UBA5: variants seen among roughly 807,000 people sequenced by gnomAD.
The protein encoded by UBA5 is ubiquitin-like modifier-activating enzyme 5.
In UBA5, 28 loss-of-function variants were observed where a neutral mutation model predicts 52.9. The ratio of observed to expected loss-of-function variants is 0.53; its 90% CI spans 0.39 to 0.73. The LOEUF (loss-of-function observed/expected upper bound fraction) is 0.73. UBA5 is among the 30% of genes least tolerant of loss of function. The pLI is 0.00. For missense variants in UBA5, 388 were observed against 492.7 expected (o/e 0.79, Z 2.01); for synonymous variants, 135 against 162.1 (o/e 0.83, Z 1.27).
At chr3:132,671,915 G>A (rs1938621715) in intron 7 of UBA5, 34 bp downstream of exon 7, 1 of 1,605,308 alleles carries the variant, frequency 6.2e-7, no homozygotes, top group Non-Finnish European at 8.5e-7. Context: ...ATTCTTCACT[G>A]TTAGATACTT....
Position 132,676,499 on chromosome 3 carries a change from C to A in UBA5, c.1188C>A (p.Asp396Glu), listed in dbSNP as rs1338499336. The A allele has an allele frequency of 3.7e-6, 6 of 1,610,352 alleles. No homozygotes were observed. Among genetic ancestry groups the A allele is most frequent in the Non-Finnish European group, 5.1e-6 (6 of 1,178,548 alleles). Reference protein sequence around the residue: ...TVEDSGESLEDLMAKMKNM With the variant: ...TVEDSGESLEELMAKMKNM ...AAGATTCTGGTGAAAGCTTGGAAGA[C>A]CTCATGGCCAAAATGAAGAATATGT... The change falls in exon 12 of 12, where the codon GAC becomes GAA. Residue 396 changes from aspartate to glutamate, a missense_variant. Around this residue, in one of 3 missense-constraint regions of UBA5, gnomAD observed 277 missense variants for 326.4 expected, o/e 0.85. Transcript: ENST00000356232. This position sits in a 1 kb window ranked among gnomAD's most constrained non-coding sequence, Gnocchi z 4.1.
chr3:132,659,465 C>T, upstream of UBA5: 2 of 1,241,106 alleles, frequency 1.6e-6, no homozygotes, highest in Non-Finnish European at 2.2e-6. Flanking sequence ...AATAGCAGCT[C>T]ATGCCTGTAG....
At position 132,668,930 on chromosome 3, in the gene UBA5, AAATGGAATAGC is replaced by A; in HGVS notation, c.407+7_407+17del. 6.4e-7 allele frequency: 1 copy of A among 1,565,580 alleles called. No homozygotes were observed. On this transcript the variant is annotated splice_donor_5th_base_variant and intron_variant, in intron 4 of 11. Transcript: ENST00000356232. The stretch of plus-strand genomic sequence containing the variant: ...CAAGCAGCAGAACATACTCTGAGGT[AAATGGAATAGC>A]AATCAAGTACCATATTCAGTGAAAT...
chr3:132,658,587 T>G (rs1053213359), upstream of UBA5, among the ~76,000 whole-genome samples: 4 of 152,240 alleles, frequency 2.6e-5, no homozygotes, highest in African/African-American at 9.6e-5. Flanking sequence ...TTCAGTTTGT[T>G]ACAACACAAG....
At chr3:132,662,554 G>A (rs1355410751) in intron 1 of UBA5, among the ~76,000 whole-genome samples, 4 of 152,174 alleles carry the variant, frequency 2.6e-5, no homozygotes, top group African/African-American at 9.7e-5. Context: ...AGTACAAAAG[G>A]TTATAGGAAA....
chr3:132,664,047 G>T (rs73000581), intron 1 of UBA5, among the ~76,000 whole-genome samples: 3,968 of 152,202 alleles, frequency 0.026, 172 homozygotes, highest in African/African-American at 0.09. Context: ...AAATCCAGAT[G>T]GTTCAACTTC....
chr3:132,660,714 G>C lies in UBA5; in HGVS notation c.161+16G>C, dbSNP rs909633319. On this transcript the variant is annotated intron_variant, in intron 1 of 11. Transcript: ENST00000356232. The surrounding 1 kb of genome is among the most constrained non-coding windows in gnomAD (Gnocchi z 4.1). ...ATCCCTACAGGTAACCTGCGTCGCC[G>C]GTCGGAGGCAGGCGCGGGGGACGAG... The C allele has an allele frequency of 3.9e-6, 6 of 1,526,022 alleles. No individual in the cohort carries two copies. Among genetic ancestry groups the C allele is most frequent in the Admixed American group, 4.1e-5 (2 of 48,886 alleles). 94.5% of individuals were successfully genotyped at this position (1,526,022 alleles called of 1,614,324 possible). A position where few individuals can be genotyped will look rare whatever the true frequency, so the allele number is the denominator to read the frequency against.
At chr3:132,665,889 GT>G (rs1263895531) in intron 2 of UBA5, 21 bp downstream of exon 2, 1 of 1,613,130 alleles carries the variant, frequency 6.2e-7, no homozygotes, top group East Asian at 2.2e-5. Context: ...CCCTTTCCAA[GT>G]TTTTGTAAGA....
At chr3:132,666,155 T>A (rs1938369070) in intron 3 of UBA5, 82 bp downstream of exon 3, 3 of 1,197,708 alleles carry the variant, frequency 2.5e-6, no homozygotes, top group Non-Finnish European at 2.4e-6. Context: ...ATTTTTTTTC[T>A]TTACCAGTGG....
rs1042179372 is a variant in UBA5, at chr3:132,678,752, C to G, written c.*2226C>G. 6.6e-6 allele frequency among the ~76,000 whole-genome samples: 1 copy of G among 151,898 alleles called. No individual in the cohort carries two copies. Among genetic ancestry groups the G allele is most frequent in the African/African-American group, 2.4e-5 (1 of 41,382 alleles). On this transcript the variant is annotated 3_prime_UTR_variant, in exon 12 of 12. Coordinates refer to ENST00000356232, the MANE Select transcript of UBA5 (RefSeq NM_024818.6). ...ACATCCTCCGCCTCCCAGGTTCAAG[C>G]GATTCTCCTGCCTCAGCCTCCCAAG...
Position 132,679,171 on chromosome 3 carries a change from G to A in UBA5, c.*2645G>A, listed in dbSNP as rs1480010283. Reference sequence around the variant, plus strand: ...TAATCCCAGCTACTTAGGAGGCTGAGGCAGGAGAATCGCTTGAACCTGGGA... The same window carrying A: ...TAATCCCAGCTACTTAGGAGGCTGAAGCAGGAGAATCGCTTGAACCTGGGA... On this transcript the variant is annotated 3_prime_UTR_variant, in exon 12 of 12. Coordinates refer to ENST00000356232, the MANE Select transcript of UBA5 (RefSeq NM_024818.6). Among the ~76,000 whole-genome samples, 1 of 151,938 alleles carries A rather than the reference G, an allele frequency of 6.6e-6. No homozygotes were observed. The highest frequency in any genetic ancestry group is 2.0e-4 in the East Asian group (1 of 5,102).
chr3:132,671,764 C>A lies in UBA5; in HGVS notation c.580-13C>A. 1 of 1,581,848 alleles carries A rather than the reference C, an allele frequency of 6.3e-7. No homozygotes were observed. The highest frequency in any genetic ancestry group is 8.6e-7 in the Non-Finnish European group (1 of 1,166,340). ...TATTTTTTTTCCTTATGTTTTCACC[C>A]ATTTCTACTAAGGCTTGTAATGAAC... On this transcript the variant is annotated splice_polypyrimidine_tract_variant and intron_variant, in intron 6 of 11. Coordinates refer to ENST00000356232, the MANE Select transcript of UBA5 (RefSeq NM_024818.6).
rs1938797568 is a variant in UBA5, at chr3:132,675,484, C to A, written c.948+101C>A. The A allele has an allele frequency of 4.0e-6, 6 of 1,516,706 alleles. No homozygotes were observed. In the South Asian group the frequency reaches 6.0e-5, roughly 15 times the overall value. The allele number at this position is 1,516,706 out of a possible 1,614,324, so 94.0% of individuals were successfully genotyped here. A position where few individuals can be genotyped will look rare whatever the true frequency, so the allele number is the denominator to read the frequency against. ...ATAAATGGTTAATTTATTCACCATA[C>A]TTCAAAAATGAATGTTCTTTCTTGC... is the stretch of plus-strand genomic sequence containing the variant. On this transcript the variant is annotated intron_variant, in intron 9 of 11. Coordinates refer to ENST00000356232, the MANE Select transcript of UBA5 (RefSeq NM_024818.6).
Position 132,660,471 on chromosome 3 carries a change from G to A in UBA5, c.-67G>A. On this transcript the variant is annotated 5_prime_UTR_variant, in exon 1 of 12. Coordinates refer to ENST00000356232, the MANE Select transcript of UBA5 (RefSeq NM_024818.6). This position sits in a 1 kb window ranked among gnomAD's most constrained non-coding sequence, Gnocchi z 4.1. ...CCACGTACCCCTCGCGGGCCCAGCC[G>A]AGCAACGTGGGGCGAAGGCGGCGGC... is the stretch of plus-strand genomic sequence containing the variant. 6.5e-7 allele frequency: 1 copy of A among 1,535,384 alleles called. No individual in the cohort carries two copies. The highest frequency in any genetic ancestry group is 1.4e-5 in the African/African-American group (1 of 72,944).
intron 5 of UBA5, 21 bp from the exon 6 acceptor site, chr3:132,670,943 CA>C (rs1166176376): frequency 1.3e-6 from 2 of 1,599,586 alleles, no homozygotes; most frequent in East Asian, 4.5e-5. Context: ...TGATGTTTTT[CA>C]AACTTATTTT....
Position 132,679,288 on chromosome 3 carries a change from A to G in UBA5, c.*2762A>G, listed in dbSNP as rs748806976. ...GTCTCAAAAAAAAAGGTATTGATGA[A>G]TAAAAATTATAACTAGAATAAGTAC... On this transcript the variant is annotated 3_prime_UTR_variant, in exon 12 of 12. Coordinates refer to ENST00000356232, the MANE Select transcript of UBA5 (RefSeq NM_024818.6). Among the ~76,000 whole-genome samples, 1 of 152,138 alleles carries G rather than the reference A, an allele frequency of 6.6e-6. No individual in the cohort carries two copies. Among genetic ancestry groups the G allele is most frequent in the Non-Finnish European group, 1.5e-5 (1 of 68,028 alleles).
chr3:132,660,150 C>T (rs1938064864), upstream of UBA5: 2 of 349,028 alleles, frequency 5.7e-6, no homozygotes, highest in Non-Finnish European at 5.2e-6. This position sits in a 1 kb window ranked among gnomAD's most constrained non-coding sequence, Gnocchi z 4.1. Flanking sequence ...GTCAGACTGT[C>T]GAGCCTAAGA....
chr3:132,661,381 G>A (rs1487550911), intron 1 of UBA5, among the ~76,000 whole-genome samples: 1 of 152,072 alleles, frequency 6.6e-6, no homozygotes. Context: ...GAAGATAATA[G>A]TAATATCTAT....
chr3:132,668,098 A>G (rs1261514071), intron 3 of UBA5: 2 of 152,100 alleles, frequency 1.3e-5, no homozygotes, highest in Non-Finnish European at 2.9e-5. Context: ...AAGAAGGGAC[A>G]GGAAGTCCTT....
Sources: allele counts gnomAD v4.1 joint callset (sites outside exome capture counted in the v4.1 genomes callset), GRCh38; gene constraint gnomAD v4.1.1; regional missense constraint gnomAD v4.1.1; non-coding constraint Gnocchi (gnomAD v3.1); transcripts MANE v1.5; gene names NCBI Gene and HGNC (gene_info 2026-07-23, HGNC 2026-07-21).